WDR47: variants seen among roughly 807,000 people sequenced by gnomAD.
WDR47 encodes the protein WD repeat-containing protein 47.
Under a neutral mutation model 97.2 loss-of-function variants are expected in WDR47, and 32 were observed. The ratio of observed to expected loss-of-function variants is 0.33; its 90% CI spans 0.25 to 0.44. WDR47 has a LOEUF of 0.44. Ranked by LOEUF, WDR47 falls within the 20% of genes least tolerant of loss-of-function variation. The pLI, the probability that WDR47 is intolerant of heterozygous loss-of-function variation, is 1.00. For synonymous variants in WDR47, 375 were observed against 373.5 expected, an observed-to-expected ratio of 1.00 and a Z score of -0.05; for missense variants, 782 against 1,102.3, an observed-to-expected ratio of 0.71 and a Z score of 4.11.
intron 7 of WDR47, among the ~76,000 whole-genome samples, chr1:109,001,726 C>T (rs1660205585): frequency 6.6e-6 from 1 of 151,486 alleles, no homozygotes. Context: ...CCTATCTCTA[C>T]AAAAAAAATA....
intron 9 of WDR47, among the ~76,000 whole-genome samples, chr1:108,987,417 G>A (rs1294171060): frequency 6.6e-6 from 1 of 151,988 alleles, no homozygotes; most frequent in Middle Eastern, 3.2e-3. Context: ...GCCTCTCAAA[G>A]TGCTGGGATT....
rs571299273 is a variant in WDR47 at position 108,992,986 on chromosome 1, A to C, written c.1692-1657T>G. On this transcript the variant is annotated intron_variant, in intron 8 of 14. Coordinates refer to ENST00000369962, the MANE Select transcript of WDR47 (RefSeq NM_001142551.2). ...GGCCCATGAAATACCCAGAAGAATA[A>C]GGAAAAATAGAATCACTCTAAGGTC... 34 of 631,298 alleles carry C rather than the reference A, an allele frequency of 5.4e-5. No homozygotes were observed. In the African/African-American group the frequency reaches 6.1e-4, roughly 11 times the overall value. The allele number at this position is 631,298 out of a possible 1,614,324, so 39.1% of individuals were successfully genotyped here.
chr1:108,973,974 G>A (rs1264180596), intron 14 of WDR47, among the ~76,000 whole-genome samples: 2 of 150,590 alleles, frequency 1.3e-5, no homozygotes, highest in Admixed American at 6.6e-5. Context: ...CAGGCAGATC[G>A]CTTGAGCTCA....
intron 3 of WDR47, among the ~76,000 whole-genome samples, chr1:109,014,156 A>C (rs1661237940): frequency 6.6e-6 from 1 of 152,202 alleles, no homozygotes; most frequent in Admixed American, 6.6e-5. Context: ...TTTTTATGGA[A>C]GATATCAAAT....
intron 1 of WDR47, among the ~76,000 whole-genome samples, chr1:109,035,429 A>G (rs1662877165): frequency 6.6e-6 from 1 of 152,102 alleles, no homozygotes; most frequent in Non-Finnish European, 1.5e-5. Flanking sequence ...TGAAGAGTTA[A>G]CAACCAATAT....
intron 2 of WDR47, among the ~76,000 whole-genome samples, chr1:109,018,002 G>A (rs539025246): frequency 6.6e-6 from 1 of 151,862 alleles, no homozygotes; most frequent in East Asian, 1.9e-4. Context: ...ACCCACCTCA[G>A]CCTCTCAAAG....
intron 2 of WDR47, 152 bp from the exon 3 acceptor site, chr1:109,017,753 T>G (rs939384099): frequency 3.4e-6 from 2 of 596,176 alleles, no homozygotes; most frequent in African/African-American, 3.9e-5. Flanking sequence ...TTTCATAATT[T>G]TTTTTTTTTT....
intron 5 of WDR47, among the ~76,000 whole-genome samples, chr1:109,005,929 CTT>C (rs1660576048): frequency 6.6e-6 from 1 of 152,016 alleles, no homozygotes; most frequent in African/African-American, 2.4e-5. Flanking sequence ...GGGACAGTCA[CTT>C]ATATTCTCTG....
intron 7 of WDR47, among the ~76,000 whole-genome samples, chr1:109,001,204 G>A (rs1325174022): frequency 6.6e-6 from 1 of 151,958 alleles, no homozygotes; most frequent in East Asian, 1.9e-4. Flanking sequence ...CAGGAGAATT[G>A]CTCGAACTCA....
chr1:108,998,789 CTGCAAGAGTGATT>C (rs1288609001), intron 7 of WDR47, among the ~76,000 whole-genome samples: 1 of 152,080 alleles, frequency 6.6e-6, no homozygotes, highest in African/African-American at 2.4e-5. Context: ...AAATAATGAC[CTGCAAGAGTGATT>C]TGGAAGAATA....
At chr1:109,003,645 G>A (rs1042559449) in intron 6 of WDR47, among the ~76,000 whole-genome samples, 5 of 152,174 alleles carry the variant, frequency 3.3e-5, no homozygotes, top group East Asian at 1.9e-4. Context: ...GGGACTACAG[G>A]TAGCTGTGAC....
At position 109,039,946 on chromosome 1, in the gene WDR47, G is replaced by C. The variant is rs191817868; in HGVS notation, c.-10+1916C>G. The stretch of plus-strand genomic sequence containing the variant: ...AGCTACTTGGGAGGCTGAGGCAGGA[G>C]AATCGCTTGAACCCAGGAGGCAGAG... On this transcript the variant is annotated intron_variant, in intron 1 of 14. Coordinates refer to ENST00000369962, the MANE Select transcript of WDR47 (RefSeq NM_001142551.2). 1.4e-3 allele frequency among the ~76,000 whole-genome samples: 201 copies of C among 146,380 alleles called. 1 individual carries two copies. Among genetic ancestry groups the C allele is most frequent in the African/African-American group, 3.5e-3 (140 of 39,528 alleles).
chr1:109,029,287 G>A (rs1320865307), intron 1 of WDR47, among the ~76,000 whole-genome samples: 2 of 152,142 alleles, frequency 1.3e-5, no homozygotes, highest in African/African-American at 2.4e-5. Flanking sequence ...CACTTTGGGA[G>A]GCCGAGGCAG....
intron 9 of WDR47, chr1:108,987,161 C>G (rs1658893047): frequency 5.4e-6 from 1 of 185,362 alleles, no homozygotes; most frequent in South Asian, 1.4e-4. Flanking sequence ...TGGATAGTTT[C>G]TAATGGTGTT....
At chr1:109,023,277 G>A in intron 2 of WDR47, 78 bp downstream of exon 2, 1 of 1,379,666 alleles carries the variant, frequency 7.2e-7, no homozygotes, top group South Asian at 1.5e-5. Context: ...AGTTCTATCT[G>A]TATTATATAT....
In WDR47 at chr1:109,031,581, C is replaced by T. The variant is rs1320396497; in HGVS notation, c.-9-8060G>A. 2.2e-5 allele frequency among the ~76,000 whole-genome samples: 3 copies of T among 138,354 alleles called. 1 individual carries two copies. Among genetic ancestry groups the T allele is most frequent in the South Asian group, 2.3e-4 (1 of 4,328 alleles). The allele number at this position is 138,354 out of a possible 152,430, so 90.8% of individuals were successfully genotyped here. A position where few individuals can be genotyped will look rare whatever the true frequency, so the allele number is the denominator to read the frequency against. On this transcript the variant is annotated intron_variant, in intron 1 of 14. Coordinates refer to ENST00000369962, the MANE Select transcript of WDR47 (RefSeq NM_001142551.2). ...AGGAATGGGAAGATCACTATATACC[C>T]TTTTGAATTTTGTACCATGGACAAA...
At chr1:108,974,958 A>G (rs1288142972) in intron 13 of WDR47, among the ~76,000 whole-genome samples, 2 of 152,216 alleles carry the variant, frequency 1.3e-5, no homozygotes, top group Non-Finnish European at 2.9e-5. Context: ...ATTTTGTAAG[A>G]AATGAGAAAG....
At chr1:108,992,974 C>T in intron 8 of WDR47, 1 of 643,908 alleles carries the variant, frequency 1.6e-6, no homozygotes, top group Non-Finnish European at 2.7e-6. Context: ...CCATGAAATA[C>T]CCAGAAGAAT....
intron 10 of WDR47, 36 bp from the exon 11 acceptor site, chr1:108,983,487 C>A: frequency 6.7e-7 from 1 of 1,503,102 alleles, no homozygotes; most frequent in Non-Finnish European, 8.9e-7. Context: ...ATTTCAATTT[C>A]TTGCTTGCTA....
Sources: gnomAD v4.1 joint callset for allele counts (sites outside exome capture counted in the v4.1 genomes callset) on GRCh38, gnomAD v4.1.1 for gene constraint, MANE v1.5 for transcripts, NCBI Gene and HGNC (gene_info 2026-07-23, HGNC 2026-07-21) for gene names.